PCDHGA6: variants seen among roughly 807,000 people sequenced by gnomAD.
The protein encoded by PCDHGA6 is protocadherin gamma-A6.
In PCDHGA6, 41 loss-of-function variants were observed where a neutral mutation model predicts 60.6. The ratio of observed to expected loss-of-function variants is 0.68; its 90% CI spans 0.53 to 0.88. The LOEUF (loss-of-function observed/expected upper bound fraction) is 0.88, where lower values mean the gene tolerates loss of function less well. PCDHGA6 is among the 40% of genes least tolerant of loss of function. PCDHGA6 has a pLI of 0.00. For synonymous variants in PCDHGA6, 594 were observed against 524.4 expected, an observed-to-expected ratio of 1.13 and a Z score of -1.81; for missense variants, 1,312 against 1,203.0, an observed-to-expected ratio of 1.09 and a Z score of -1.34.
At chr5:141,383,476 G>T (rs983488072) in intron 1 of PCDHGA6, 1 of 1,613,748 alleles carries the variant, frequency 6.2e-7, no homozygotes, top group South Asian at 1.1e-5. Context: ...TAAGTACCCG[G>T]AACTGGTGCT....
intron 2 of PCDHGA6, among the ~76,000 whole-genome samples, chr5:141,497,880 T>C (rs2099780200): frequency 6.6e-6 from 1 of 152,170 alleles, no homozygotes; most frequent in Non-Finnish European, 1.5e-5. Context: ...GAAATAAGCG[T>C]TAGGATCTAG....
At chr5:141,406,547 A>G (rs1414255326) in intron 1 of PCDHGA6, among the ~76,000 whole-genome samples, 1 of 152,216 alleles carries the variant, frequency 6.6e-6, no homozygotes, top group Non-Finnish European at 1.5e-5. Flanking sequence ...TTCAAACTTC[A>G]GTTATCCACT....
At chr5:141,509,551 C>T (rs2099877337) in intron 3 of PCDHGA6, among the ~76,000 whole-genome samples, 1 of 152,164 alleles carries the variant, frequency 6.6e-6, no homozygotes, top group South Asian at 2.1e-4. Context: ...CTCATTTAGT[C>T]CTCACAGCAG....
chr5:141,388,204 A>T lies in PCDHGA6; in HGVS notation c.2424+11697A>T, dbSNP rs746829885. ...AAGCCAGCTTGTGCTCTGGAATTTG[A>T]GGCTGTTGCTGAAAATCCACTGAAC... On this transcript the variant is annotated intron_variant, in intron 1 of 3. Coordinates refer to ENST00000517434, the MANE Select transcript of PCDHGA6 (RefSeq NM_018919.3). 9 of 1,575,744 alleles carry T rather than the reference A, an allele frequency of 5.7e-6. No homozygotes were observed. The Admixed American group carries it at 1.5e-4, about 27-fold the overall frequency.
intron 1 of PCDHGA6, chr5:141,419,183 A>G (rs1453963573): frequency 1.9e-6 from 3 of 1,613,958 alleles, no homozygotes; most frequent in Non-Finnish European, 1.7e-6. Context: ...AACCCTGCAC[A>G]TTACTGACGT....
At position 141,477,197 on chromosome 5, in the gene PCDHGA6, G is replaced by A. The variant is rs781504885; in HGVS notation, c.2425-17610G>A. ...CACAGTCACCTCCGTGTACAGCCCA[G>A]TACCCGAGGATGCCCCTCTGGGGAC... On this transcript the variant is annotated intron_variant, in intron 1 of 3. Coordinates refer to ENST00000517434, the MANE Select transcript of PCDHGA6 (RefSeq NM_018919.3). The surrounding 1 kb of genome is among the most constrained non-coding windows in gnomAD (Gnocchi z 4.9). 1 of 1,614,210 alleles carries A rather than the reference G, an allele frequency of 6.2e-7. No homozygotes were observed. Among genetic ancestry groups the A allele is most frequent in the East Asian group, 2.2e-5 (1 of 44,874 alleles).
chr5:141,423,195 G>C, intron 1 of PCDHGA6: 14 of 1,613,544 alleles, frequency 8.7e-6, no homozygotes, highest in Non-Finnish European at 1.2e-5. Flanking sequence ...CCCCTCTCTC[G>C]GCCACCGTCA....
rs760878091 is a variant in PCDHGA6 at position 141,476,406 on chromosome 5, T to A, written c.2425-18401T>A. The A allele has an allele frequency of 6.2e-7, 1 of 1,614,054 alleles. No individual in the cohort carries two copies. The highest frequency in any genetic ancestry group is 8.5e-7 in the Non-Finnish European group (1 of 1,180,002). On this transcript the variant is annotated intron_variant, in intron 1 of 3. Transcript: ENST00000517434. The surrounding 1 kb of genome is among the most constrained non-coding windows in gnomAD (Gnocchi z 7.6). Reference sequence around the variant, plus strand: ...AACGACCGTCTGGATCGAGAGGAGCTGTGTGGGACACTGCCCTCTTGCACT... The same window carrying A: ...AACGACCGTCTGGATCGAGAGGAGCAGTGTGGGACACTGCCCTCTTGCACT...
Position 141,432,236 on chromosome 5 carries a change from G to A in PCDHGA6, c.2424+55729G>A, listed in dbSNP as rs752735346. On this transcript the variant is annotated intron_variant, in intron 1 of 3. Coordinates refer to ENST00000517434, the MANE Select transcript of PCDHGA6 (RefSeq NM_018919.3). This position sits in a 1 kb window ranked among gnomAD's most constrained non-coding sequence, Gnocchi z 6.0. ...CGCCCAGATCACTTATTCCCTGGCT[G>A]AGAACACCATCCAAGGGGCAAGCCT... is the stretch of plus-strand genomic sequence containing the variant. The A allele has an allele frequency of 8.7e-6, 14 of 1,614,130 alleles. No individual in the cohort carries two copies. The African/African-American group carries it at 9.3e-5, about 11-fold the overall frequency.
intron 1 of PCDHGA6, chr5:141,383,711 A>G (rs201269369): frequency 5.5e-4 from 889 of 1,614,004 alleles, no homozygotes; most frequent in Non-Finnish European, 6.8e-4. Flanking sequence ...GACCTGGACG[A>G]GGGAGTCAAT....
intron 1 of PCDHGA6, chr5:141,393,282 G>A (rs2150516370): frequency 1.2e-6 from 2 of 1,613,980 alleles, no homozygotes; most frequent in Non-Finnish European, 1.7e-6. Context: ...ACTCCCAGAA[G>A]CTGTTGACCC....
chr5:141,390,591 T>G, intron 1 of PCDHGA6: 1 of 333,500 alleles, frequency 3.0e-6, no homozygotes, highest in Non-Finnish European at 5.4e-6. Flanking sequence ...TGAATGAGAT[T>G]TTTCCTATAC....
At chr5:141,418,815 T>A in intron 1 of PCDHGA6, 1 of 1,613,864 alleles carries the variant, frequency 6.2e-7, no homozygotes, top group East Asian at 2.2e-5. Flanking sequence ...ACGATAAACA[T>A]AGAAGCAAAA....
intron 1 of PCDHGA6, chr5:141,421,647 G>C: frequency 6.2e-7 from 1 of 1,613,872 alleles, no homozygotes; most frequent in South Asian, 1.1e-5. Context: ...ACGAAGTGGA[G>C]ATAAAAGTCA....
chr5:141,394,012 A>C lies in PCDHGA6; in HGVS notation c.2424+17505A>C, dbSNP rs756847755. ...TTTAAATTAGAAAAGTCAATAGGTA[A>C]TTATTATAGATTAGTGACAAGGAAA... On this transcript the variant is annotated intron_variant, in intron 1 of 3. Coordinates refer to ENST00000517434, the MANE Select transcript of PCDHGA6 (RefSeq NM_018919.3). The C allele has an allele frequency of 2.6e-5, 42 of 1,613,288 alleles. No individual in the cohort carries two copies. Among genetic ancestry groups the C allele is most frequent in the Non-Finnish European group, 3.4e-5 (40 of 1,179,552 alleles).
intron 1 of PCDHGA6, chr5:141,392,978 C>T: frequency 1.9e-6 from 3 of 1,613,808 alleles, no homozygotes; most frequent in South Asian, 1.1e-5. Context: ...TGGGGCTGGA[C>T]CCCCGGAAGC....
At chr5:141,405,364 C>T in intron 1 of PCDHGA6, 1 of 1,613,548 alleles carries the variant, frequency 6.2e-7, no homozygotes, top group Non-Finnish European at 8.5e-7. Flanking sequence ...TAGAAGACAC[C>T]CCTTTGGTTC....
chr5:141,394,558 C>T (rs2093032633), intron 1 of PCDHGA6: 4 of 1,614,108 alleles, frequency 2.5e-6, no homozygotes, highest in Non-Finnish European at 3.4e-6. Flanking sequence ...CCCCGCTCCG[C>T]AGAGCGTGGC....
At chr5:141,510,272 T>TAAAA (rs546154379) in intron 3 of PCDHGA6, among the ~76,000 whole-genome samples, 4 of 130,388 alleles carry the variant, frequency 3.1e-5, no homozygotes, top group Non-Finnish European at 4.9e-5. Context: ...GACTCCATCT[T>TAAAA]AAAAAAAAAA....
Sources: gnomAD v4.1 joint callset for allele counts (sites outside exome capture counted in the v4.1 genomes callset) on GRCh38, gnomAD v4.1.1 for gene constraint, Gnocchi (gnomAD v3.1) non-coding constraint, MANE v1.5 for transcripts, NCBI Gene and HGNC (gene_info 2026-07-23, HGNC 2026-07-21) for gene names.